The following IFT80 variants were observed in gnomAD, a reference collection of about 807,000 sequenced individuals.
IFT80 encodes intraflagellar transport protein 80 homolog.
Under a neutral mutation model 107.9 loss-of-function variants are expected in IFT80, and 79 were observed. That is an observed-to-expected ratio of 0.73 (90% CI 0.61 to 0.88). The LOEUF is 0.88. Among genes scored for constraint, IFT80 ranks in the 40% least tolerant of loss-of-function variants. IFT80 has a pLI of 0.00. For synonymous variants in IFT80, 299 were observed against 300.9 expected, an observed-to-expected ratio of 0.99 and a Z score of 0.07; for missense variants, 797 against 914.2, an observed-to-expected ratio of 0.87 and a Z score of 1.65.
intron 18 of IFT80, 63 bp from the exon 19 acceptor site, chr3:160,268,599 T>A: frequency 1.3e-6 from 2 of 1,518,064 alleles, no homozygotes; most frequent in Non-Finnish European, 1.8e-6. Context: ...AGTAGTAGAG[T>A]TCTGGAGTTG....
At chr3:160,326,413 G>A (rs1046009086) in intron 8 of IFT80, among the ~76,000 whole-genome samples, 2 of 152,056 alleles carry the variant, frequency 1.3e-5, no homozygotes, top group African/African-American at 4.8e-5. Context: ...GACCATCAAT[G>A]CAATAATCCT....
Position 160,302,292 on chromosome 3 carries a change from C to A in IFT80, c.1152-1246G>T, listed in dbSNP as rs112380740. 1.7e-3 allele frequency among the ~76,000 whole-genome samples: 252 copies of A among 152,156 alleles called. 1 individual carries two copies. The highest frequency in any genetic ancestry group is 5.6e-3 in the African/African-American group (232 of 41,562). ...GTCTAATTAACACCAACCACATACA[C>A]TTCAATTAAATTAATACTTGAGGGT... On this transcript the variant is annotated intron_variant, in intron 11 of 19. Coordinates refer to ENST00000326448, the MANE Select transcript of IFT80 (RefSeq NM_020800.3).
intron 10 of IFT80, among the ~76,000 whole-genome samples, chr3:160,305,928 A>G (rs1454950470): frequency 6.6e-6 from 1 of 152,142 alleles, no homozygotes; most frequent in African/African-American, 2.4e-5. Flanking sequence ...AAATGAGAAT[A>G]ATAATAAACA....
In IFT80 at chr3:160,397,571, T is replaced by C. The variant is rs577036558; in HGVS notation, c.-47+1575A>G. Among the ~76,000 whole-genome samples, 4 of 152,300 alleles carry C rather than the reference T, an allele frequency of 2.6e-5. No homozygotes were observed. In the South Asian group the frequency reaches 6.2e-4, roughly 24 times the overall value. On this transcript the variant is annotated intron_variant, in intron 1 of 19. Coordinates refer to ENST00000326448, the MANE Select transcript of IFT80 (RefSeq NM_020800.3). ...AGGTATTATATGCTAGTTTCATAAA[T>C]AAATACTCTCAAGATTGACAAACTG...
At chr3:160,308,444 T>C (rs1003172490) in intron 9 of IFT80, among the ~76,000 whole-genome samples, 1 of 152,136 alleles carries the variant, frequency 6.6e-6, no homozygotes, top group Non-Finnish European at 1.5e-5. Context: ...TTTGGCAGTT[T>C]TGGAAAAAAA....
intron 8 of IFT80, among the ~76,000 whole-genome samples, chr3:160,355,737 A>C (rs1721029117): frequency 6.6e-6 from 1 of 152,222 alleles, no homozygotes; most frequent in Non-Finnish European, 1.5e-5. Context: ...AATGGGCATA[A>C]ATTTTAATAC....
intron 16 of IFT80, among the ~76,000 whole-genome samples, chr3:160,278,181 AG>A (rs1419706126): frequency 6.6e-6 from 1 of 152,196 alleles, no homozygotes; most frequent in African/African-American, 2.4e-5. Flanking sequence ...ATAGAGCTGC[AG>A]ATATAAACAA....
At chr3:160,284,524 T>C (rs1714938902) in intron 13 of IFT80, among the ~76,000 whole-genome samples, 1 of 152,180 alleles carries the variant, frequency 6.6e-6, no homozygotes, top group Non-Finnish European at 1.5e-5. Context: ...GGAAGATAAC[T>C]TCACAATACT....
At chr3:160,331,048 C>T (rs906772865) in intron 8 of IFT80, among the ~76,000 whole-genome samples, 1 of 152,142 alleles carries the variant, frequency 6.6e-6, no homozygotes, top group Non-Finnish European at 1.5e-5. Context: ...TGTTAGCAAC[C>T]TCAGCCTACC....
chr3:160,310,809 G>C (rs1717183858), intron 9 of IFT80, among the ~76,000 whole-genome samples: 1 of 152,162 alleles, frequency 6.6e-6, no homozygotes, highest in South Asian at 2.1e-4. Flanking sequence ...CCAATGACCA[G>C]TCTAGAGGAA....
At chr3:160,379,240 C>T (rs1712280128) in intron 3 of IFT80, among the ~76,000 whole-genome samples, 1 of 152,090 alleles carries the variant, frequency 6.6e-6, no homozygotes, top group Non-Finnish European at 1.5e-5. Flanking sequence ...GGCATATATT[C>T]TTCAACACTG....
At chr3:160,312,459 G>A (rs1717347854) in intron 9 of IFT80, among the ~76,000 whole-genome samples, 1 of 146,320 alleles carries the variant, frequency 6.8e-6, no homozygotes, top group African/African-American at 2.5e-5. Context: ...TTTCCTCACT[G>A]CCTTTCCTTG....
rs545413654 is a variant in IFT80, at chr3:160,397,716, CT to C, written c.-47+1429del. Among the ~76,000 whole-genome samples, 431 of 96,558 alleles carry C rather than the reference CT, an allele frequency of 4.5e-3. 1 individual carries two copies. Among genetic ancestry groups the C allele is most frequent in the South Asian group, 0.012 (36 of 2,992 alleles). 63.3% of individuals were successfully genotyped at this position (96,558 alleles called of 152,430 possible). ...AATACACCACTCAATTTGGTCTATA[CT>C]TTTTTTTTTTTTTTTTTTTTTGAGA... On this transcript the variant is annotated intron_variant, in intron 1 of 19. Coordinates refer to ENST00000326448, the MANE Select transcript of IFT80 (RefSeq NM_020800.3).
intron 19 of IFT80, among the ~76,000 whole-genome samples, chr3:160,264,638 C>G (rs1271972185): frequency 1.3e-5 from 2 of 148,896 alleles, no homozygotes; most frequent in Non-Finnish European, 3.0e-5. Flanking sequence ...AGGGTTTAAC[C>G]ATGTTGCCCA....
chr3:160,315,984 C>A (rs1186828214), intron 9 of IFT80, among the ~76,000 whole-genome samples: 3 of 152,044 alleles, frequency 2.0e-5, no homozygotes, highest in Non-Finnish European at 4.4e-5. Flanking sequence ...CCCAATGATC[C>A]CTGCCTCCTG....
intron 19 of IFT80, among the ~76,000 whole-genome samples, chr3:160,263,520 C>T (rs1294764760): frequency 6.6e-6 from 1 of 152,182 alleles, no homozygotes; most frequent in Non-Finnish European, 1.5e-5. Flanking sequence ...AGAGCAGTCA[C>T]TCAGGATTCT....
intron 12 of IFT80, among the ~76,000 whole-genome samples, chr3:160,286,496 C>A (rs1715104291): frequency 1.3e-5 from 2 of 152,162 alleles, no homozygotes; most frequent in Admixed American, 6.5e-5. Flanking sequence ...GTTGGGCCCA[C>A]AGAGCACACA....
intron 3 of IFT80, 125 bp from the exon 4 acceptor site, chr3:160,377,665 T>A (rs1712131216): frequency 1.8e-6 from 1 of 556,258 alleles, no homozygotes; most frequent in Non-Finnish European, 3.2e-6. Context: ...ATTCTTAATA[T>A]CACATATAAA....
At chr3:160,281,744 T>G (rs1415688410) in intron 14 of IFT80, among the ~76,000 whole-genome samples, 1 of 152,118 alleles carries the variant, frequency 6.6e-6, no homozygotes, top group Non-Finnish European at 1.5e-5. Context: ...ACGCCTCAAG[T>G]GAGCATGTGT....
Sources: allele counts gnomAD v4.1 joint callset (sites outside exome capture counted in the v4.1 genomes callset), GRCh38; gene constraint gnomAD v4.1.1; transcripts MANE v1.5; gene names NCBI Gene and HGNC (gene_info 2026-07-23, HGNC 2026-07-21).